The following ERC1 variants were observed in gnomAD, a reference collection of about 807,000 sequenced individuals.
ERC1 encodes the protein ELKS/RAB6-interacting/CAST family member 1.
ERC1 carries 56 observed loss-of-function variants against 132.0 expected under a neutral mutation model. That is an observed-to-expected ratio of 0.42 (90% CI 0.34 to 0.53). The LOEUF (loss-of-function observed/expected upper bound fraction) is 0.53. ERC1 is among the 20% of genes least tolerant of loss of function. The probability of loss-of-function intolerance (pLI) is 0.03; values close to 1 mark genes in which losing one functional copy is unlikely to be tolerated. For missense variants in ERC1, 1,202 were observed against 1,349.9 expected (o/e 0.89, Z 1.72); for synonymous variants, 478 against 476.1 (o/e 1.00, Z -0.05).
intron 8 of ERC1, among the ~76,000 whole-genome samples, chr12:1,174,213 A>G (rs1953426483): frequency 6.6e-6 from 1 of 152,212 alleles, no homozygotes; most frequent in Admixed American, 6.5e-5. Context: ...CAGTGCTTAC[A>G]CAGCTGGTTT....
intron 15 of ERC1, among the ~76,000 whole-genome samples, chr12:1,341,087 T>C (rs1476707657): frequency 0.02 from 1,318 of 67,150 alleles, 108 homozygotes; most frequent in African/African-American, 0.077. Context: ...TTTTTTTTTT[T>C]TTTTTTTTTT....
chr12:1,474,039 A>G (rs2093921614), intron 18 of ERC1, among the ~76,000 whole-genome samples: 1 of 152,222 alleles, frequency 6.6e-6, no homozygotes, highest in South Asian at 2.1e-4. Flanking sequence ...GTGAAATTCC[A>G]AACTAGGAAG....
At chr12:1,230,002 CTCTT>C in intron 12 of ERC1, among the ~76,000 whole-genome samples, 1 of 130,474 alleles carries the variant, frequency 7.7e-6, no homozygotes, top group Non-Finnish European at 1.6e-5. Context: ...TACTTTTTGA[CTCTT>C]TTTTTTTTTT....
intron 1 of ERC1, among the ~76,000 whole-genome samples, chr12:1,012,262 A>G (rs945609925): frequency 1.3e-5 from 2 of 152,190 alleles, no homozygotes; most frequent in Admixed American, 6.5e-5. Context: ...AGAAACAAAT[A>G]CTTACTGGGT....
intron 7 of ERC1, among the ~76,000 whole-genome samples, chr12:1,127,117 TC>T (rs2154234084): frequency 6.6e-6 from 1 of 151,554 alleles, no homozygotes; most frequent in African/African-American, 2.4e-5. Flanking sequence ...ATATCATCAA[TC>T]TTACTAGTAA....
intron 8 of ERC1, among the ~76,000 whole-genome samples, chr12:1,148,198 A>T (rs1950544577): frequency 6.6e-6 from 1 of 152,214 alleles, no homozygotes; most frequent in Non-Finnish European, 1.5e-5. Context: ...TTTTTGTATT[A>T]GTCCATTTTC....
chr12:1,293,644 A>G (rs1161176499), intron 15 of ERC1, among the ~76,000 whole-genome samples: 4 of 152,126 alleles, frequency 2.6e-5, no homozygotes, highest in African/African-American at 9.7e-5. Flanking sequence ...AAAAAAAAAA[A>G]ATTGTGGGGT....
chr12:1,407,306 C>T (rs1180424494), intron 16 of ERC1, among the ~76,000 whole-genome samples: 2 of 151,896 alleles, frequency 1.3e-5, no homozygotes, highest in African/African-American at 2.4e-5. Context: ...AGAGAGAGAG[C>T]ACTTCTGTCT....
At chr12:1,228,250 A>G (rs921007949) in intron 12 of ERC1, among the ~76,000 whole-genome samples, 1 of 151,460 alleles carries the variant, frequency 6.6e-6, no homozygotes, top group African/African-American at 2.4e-5. Context: ...TTTTAACAAC[A>G]TTAATTGTTT....
intron 15 of ERC1, among the ~76,000 whole-genome samples, chr12:1,361,264 G>A (rs545243863): frequency 3.9e-5 from 5 of 129,732 alleles, no homozygotes; most frequent in African/African-American, 1.4e-4. Flanking sequence ...GTTGTGGGGT[G>A]GGGGGAGGGA....
Position 1,168,781 on chromosome 12 carries a change from C to T in ERC1, c.1738-11759C>T, listed in dbSNP as rs144406375. On this transcript the variant is annotated intron_variant, in intron 8 of 18. Transcript: ENST00000360905. ...AGATTATAGGCGTGAGCCATCGTGCCGGCTGTGACGGGTCATTTTAAACAA... is the reference window on the plus strand; with the variant it reads ...AGATTATAGGCGTGAGCCATCGTGCTGGCTGTGACGGGTCATTTTAAACAA... 4.9e-3 allele frequency among the ~76,000 whole-genome samples: 741 copies of T among 152,226 alleles called. 12 individuals are homozygous for T. Among genetic ancestry groups the T allele is most frequent in the African/African-American group, 0.017 (710 of 41,544 alleles).
At chr12:1,349,995 G>A (rs2084857023) in intron 15 of ERC1, among the ~76,000 whole-genome samples, 1 of 152,182 alleles carries the variant, frequency 6.6e-6, no homozygotes, top group Admixed American at 6.5e-5. Flanking sequence ...TATTGAGGAG[G>A]GAAACCAGGT....
rs147268029 is a variant in ERC1 at position 1,444,743 on chromosome 12, G to A, written c.3206G>A (p.Arg1069Gln). The change falls in exon 18 of 19, where the codon CGG becomes CAG. Residue 1069 changes from arginine (R) to glutamine (Q), a missense_variant. By Grantham distance (43) the Arg-to-Gln change is conservative. Transcript: ENST00000360905. ...GAGAATGAGCTGCAGAAGATGACCC[G>A]GGGGCAGGTGAGCCTCTCACTCAAA... ...AWENELQKMT[R>Q]GQLQDELEKG... 9.0e-5 allele frequency: 145 copies of A among 1,612,902 alleles called. No individual in the cohort carries two copies. The highest frequency in any genetic ancestry group is 3.3e-4 in the Middle Eastern group (2 of 6,050).
In ERC1 at chr12:1,266,391, C is replaced by CTTTTTTTTTTTT. The variant is rs71293128; in HGVS notation, c.2619+3246_2619+3257dup. Among the ~76,000 whole-genome samples, 10 of 43,016 alleles carry CTTTTTTTTTTTT rather than the reference C, an allele frequency of 2.3e-4. 2 individuals are homozygous for CTTTTTTTTTTTT. The highest frequency in any genetic ancestry group is 1.4e-3 in the East Asian group (2 of 1,456). The allele number at this position is 43,016 out of a possible 152,430, so 28.2% of individuals were successfully genotyped here. ...TATTATTATTTTTATCGTTTCCTGT[C>CTTTTTTTTTTTT]TTTTTTTTTTTTTTTTTTTTTTTTT... On this transcript the variant is annotated intron_variant, in intron 14 of 18. Coordinates refer to ENST00000360905, the MANE Select transcript of ERC1 (RefSeq NM_178040.4).
chr12:1,005,045 C>T (rs901086812), intron 1 of ERC1, among the ~76,000 whole-genome samples: 1 of 152,124 alleles, frequency 6.6e-6, no homozygotes, highest in Non-Finnish European at 1.5e-5. Context: ...ACGTAGGTGA[C>T]TTTTCTACCT....
intron 18 of ERC1, among the ~76,000 whole-genome samples, chr12:1,480,352 G>A (rs2094064190): frequency 6.6e-6 from 1 of 152,158 alleles, no homozygotes; most frequent in Non-Finnish European, 1.5e-5. Context: ...CACAGAAGAT[G>A]GCATCTGCAC....
At chr12:1,241,592 A>G (rs1034113760) in intron 13 of ERC1, among the ~76,000 whole-genome samples, 12 of 152,128 alleles carry the variant, frequency 7.9e-5, no homozygotes, top group Non-Finnish European at 1.3e-4. Context: ...AGCTGTGTGT[A>G]TGTGTTTGTT....
chr12:1,491,079 C>CA lies in ERC1; in HGVS notation c.*855dup, dbSNP rs762466621. 1 of 232,714 alleles carries CA rather than the reference C, an allele frequency of 4.3e-6. No individual in the cohort carries two copies. Among genetic ancestry groups the CA allele is most frequent in the East Asian group, 6.1e-5 (1 of 16,526 alleles). 14.4% of individuals were successfully genotyped at this position (232,714 alleles called of 1,614,324 possible). A position where few individuals can be genotyped will look rare whatever the true frequency, so the allele number is the denominator to read the frequency against. On this transcript the variant is annotated 3_prime_UTR_variant, in exon 19 of 19. Transcript: ENST00000360905. ...GCAACATAGCGTGACCCTGTCTCTA[C>CA]AAAAAATTAAAAAGAGAACATACAA...
At chr12:1,248,556 G>C (rs1594529404) in intron 13 of ERC1, among the ~76,000 whole-genome samples, 1 of 152,172 alleles carries the variant, frequency 6.6e-6, no homozygotes, top group East Asian at 1.9e-4. Flanking sequence ...TTTCAAAGTA[G>C]AGAATAGGTA....
Sources: gnomAD v4.1 joint callset for allele counts (sites outside exome capture counted in the v4.1 genomes callset) on GRCh38, gnomAD v4.1.1 for gene constraint, MANE v1.5 for transcripts, NCBI Gene and HGNC (gene_info 2026-07-23, HGNC 2026-07-21) for gene names.